Variants in GMDS observed in about 807,000 individuals in gnomAD.
GMDS encodes the protein GDP-mannose 4,6 dehydratase.
A neutral mutation model predicts 49.9 loss-of-function variants in GMDS; 20 were observed. The ratio of observed to expected loss-of-function variants is 0.40; its 90% CI spans 0.28 to 0.58. The LOEUF (loss-of-function observed/expected upper bound fraction) is 0.58. Ranked by LOEUF, GMDS falls within the 20% of genes least tolerant of loss-of-function variation. The pLI is 0.42. For missense variants in GMDS, 362 were observed against 481.4 expected, an observed-to-expected ratio of 0.75 and a Z score of 2.32; for synonymous variants, 177 against 178.6, an observed-to-expected ratio of 0.99 and a Z score of 0.07.
At chr6:2,151,457 C>T (rs538735969) in intron 1 of GMDS, among the ~76,000 whole-genome samples, 1 of 152,090 alleles carries the variant, frequency 6.6e-6, no homozygotes, top group African/African-American at 2.4e-5. Flanking sequence ...AATACATGAG[C>T]AATATAGCCA....
chr6:1,644,989 G>T (rs889144870), intron 9 of GMDS, among the ~76,000 whole-genome samples: 6 of 149,542 alleles, frequency 4.0e-5, no homozygotes, highest in Non-Finnish European at 4.4e-5. Flanking sequence ...AGCCTGGAGT[G>T]CAGTGGCGTG....
intron 4 of GMDS, among the ~76,000 whole-genome samples, chr6:2,041,338 G>A (rs542340441): frequency 6.6e-6 from 1 of 152,320 alleles, no homozygotes; most frequent in African/African-American, 2.4e-5. Context: ...TGAAATGCAA[G>A]AGAATGTGAC....
intron 7 of GMDS, among the ~76,000 whole-genome samples, chr6:1,776,354 AC>A (rs1768833827): frequency 6.6e-6 from 1 of 152,172 alleles, no homozygotes; most frequent in Non-Finnish European, 1.5e-5. Context: ...ATTATGTCCC[AC>A]ACAGAATTTT....
chr6:2,235,126 A>AAAAAAAAC (rs969253402), intron 1 of GMDS, among the ~76,000 whole-genome samples: 1 of 151,996 alleles, frequency 6.6e-6, no homozygotes, highest in African/African-American at 2.4e-5. Flanking sequence ...ACTCCATCTC[A>AAAAAAAAC]AAAAAAACAA....
chr6:1,710,007 G>A (rs954688617), intron 9 of GMDS, among the ~76,000 whole-genome samples: 12 of 152,130 alleles, frequency 7.9e-5, no homozygotes, highest in African/African-American at 2.2e-4. Flanking sequence ...TATATAAACC[G>A]ATAACATAAA....
chr6:2,070,605 T>C (rs548470072), intron 4 of GMDS, among the ~76,000 whole-genome samples: 24 of 152,230 alleles, frequency 1.6e-4, no homozygotes, highest in East Asian at 9.7e-4. Flanking sequence ...AAAGGCATTA[T>C]CAATACTAAG....
At position 1,640,570 on chromosome 6, in the gene GMDS, C is replaced by G. The variant is rs184014662; in HGVS notation, c.988-16030G>C. ...AACATGCTGGATGTGGCTGTGCCTT[C>G]TAGGTGCCCGTTTTGGAGAGAATAC... is the stretch of plus-strand genomic sequence containing the variant. On this transcript the variant is annotated intron_variant, in intron 9 of 10. Transcript: ENST00000380815. This position sits in a 1 kb window ranked among gnomAD's most constrained non-coding sequence, Gnocchi z 4.0. 6.6e-6 allele frequency among the ~76,000 whole-genome samples: 1 copy of G among 152,322 alleles called. No homozygotes were observed. Among genetic ancestry groups the G allele is most frequent in the East Asian group, 1.9e-4 (1 of 5,176 alleles).
At chr6:1,773,063 C>T (rs3800052) in intron 7 of GMDS, among the ~76,000 whole-genome samples, 12,429 of 151,816 alleles carry the variant, frequency 0.082, 716 homozygotes, top group East Asian at 0.2. Flanking sequence ...AGAGGAGGCT[C>T]TTGGCAAGGA....
At chr6:1,976,098 T>C (rs1239939190) in intron 4 of GMDS, among the ~76,000 whole-genome samples, 1 of 152,178 alleles carries the variant, frequency 6.6e-6, no homozygotes, top group East Asian at 1.9e-4. Flanking sequence ...GGTCAGGAAG[T>C]AGTACAATGA....
chr6:1,847,658 A>G (rs1432780021), intron 7 of GMDS, among the ~76,000 whole-genome samples: 1 of 152,218 alleles, frequency 6.6e-6, no homozygotes, highest in African/African-American at 2.4e-5. Flanking sequence ...TGTTTCATAG[A>G]TAGAAATATT....
intron 1 of GMDS, among the ~76,000 whole-genome samples, chr6:2,127,544 G>A (rs765688498): frequency 2.6e-5 from 4 of 152,204 alleles, no homozygotes; most frequent in Admixed American, 6.5e-5. Context: ...TCTCACCCAG[G>A]CTGCTTCTCA....
At chr6:2,243,383 C>T (rs1322936699) in intron 1 of GMDS, among the ~76,000 whole-genome samples, 1 of 152,088 alleles carries the variant, frequency 6.6e-6, no homozygotes, top group African/African-American at 2.4e-5. Context: ...TACTGCTGGT[C>T]GTGTAAATTG....
chr6:1,819,912 G>A (rs908244993), intron 7 of GMDS, among the ~76,000 whole-genome samples: 2 of 151,188 alleles, frequency 1.3e-5, no homozygotes, highest in Non-Finnish European at 2.9e-5. Flanking sequence ...AAATAAAATA[G>A]TATGATACAG....
At chr6:2,040,193 T>C (rs1769586457) in intron 4 of GMDS, among the ~76,000 whole-genome samples, 1 of 152,170 alleles carries the variant, frequency 6.6e-6, no homozygotes. Context: ...TGTACCTCTC[T>C]ACAAAGAAGG....
intron 2 of GMDS, among the ~76,000 whole-genome samples, chr6:2,123,071 A>C (rs910924419): frequency 6.6e-6 from 1 of 152,198 alleles, no homozygotes. Context: ...TTGTCTTCTG[A>C]AGTCTGCTAG....
chr6:2,077,127 T>C (rs1323608278), intron 4 of GMDS, among the ~76,000 whole-genome samples: 1 of 152,170 alleles, frequency 6.6e-6, no homozygotes, highest in Non-Finnish European at 1.5e-5. Flanking sequence ...TACTGATTTT[T>C]ACATGTTCAT....
At position 1,652,020 on chromosome 6, in the gene GMDS, G is replaced by A. The variant is rs150125050; in HGVS notation, c.988-27480C>T. On this transcript the variant is annotated intron_variant, in intron 9 of 10. Transcript: ENST00000380815. ...TGGCAGCAGTGCAGAACTCAGAAAC[G>A]TTAATCTGAGCTTTCTCTTGGTGGA... 1.8e-4 allele frequency among the ~76,000 whole-genome samples: 28 copies of A among 151,978 alleles called. 1 individual carries two copies. The East Asian group carries it at 4.5e-3, about 24-fold the overall frequency.
chr6:1,830,747 T>C (rs887218125), intron 7 of GMDS, among the ~76,000 whole-genome samples: 3 of 152,182 alleles, frequency 2.0e-5, no homozygotes, highest in Non-Finnish European at 4.4e-5. Flanking sequence ...AGATATTAAA[T>C]TATCTGAAAT....
intron 1 of GMDS, among the ~76,000 whole-genome samples, chr6:2,237,365 G>A (rs1480296489): frequency 6.6e-6 from 1 of 152,138 alleles, no homozygotes; most frequent in East Asian, 1.9e-4. Context: ...TTACCTTTCA[G>A]ACATGTTTTA....
Sources: gnomAD v4.1 joint callset for allele counts (sites outside exome capture counted in the v4.1 genomes callset) on GRCh38, gnomAD v4.1.1 for gene constraint, Gnocchi (gnomAD v3.1) non-coding constraint, MANE v1.5 for transcripts, NCBI Gene and HGNC (gene_info 2026-07-23, HGNC 2026-07-21) for gene names.